ITPRIP: variants seen among roughly 807,000 people sequenced by gnomAD.
The protein encoded by ITPRIP is inositol 1,4,5-trisphosphate receptor interacting protein.
ITPRIP carries 32 observed loss-of-function variants against 35.8 expected under a neutral mutation model. That is an observed-to-expected ratio of 0.89 (90% CI 0.68 to 1.20). The LOEUF is 1.20. Among genes scored for constraint, ITPRIP ranks in the 50% most tolerant of loss-of-function variants. ITPRIP has a pLI of 0.00. For synonymous variants in ITPRIP, 358 were observed against 324.0 expected (o/e 1.11, Z -1.13); for missense variants, 653 against 735.6 (o/e 0.89, Z 1.30).
In ITPRIP at chr10:104,312,837, C is replaced by T. The variant is rs959726295; in HGVS notation, c.*1571G>A. 15 of 985,322 alleles carry T rather than the reference C, an allele frequency of 1.5e-5. No homozygotes were observed. Among genetic ancestry groups the T allele is most frequent in the South Asian group, 4.7e-5 (1 of 21,278 alleles). 61.0% of individuals were successfully genotyped at this position (985,322 alleles called of 1,614,324 possible). ...ACCCCTGTCAAGTTGGTTATGCTCTCGGGAAGGCATGGCCGGCTTAAACCC... is the reference window on the plus strand; with the variant it reads ...ACCCCTGTCAAGTTGGTTATGCTCTTGGGAAGGCATGGCCGGCTTAAACCC... On this transcript the variant is annotated 3_prime_UTR_variant, in exon 2 of 2. Transcript: ENST00000337478.
chr10:104,319,541 C>T (rs1317628607), intron 1 of ITPRIP, among the ~76,000 whole-genome samples: 2 of 152,126 alleles, frequency 1.3e-5, no homozygotes, highest in Middle Eastern at 3.2e-3. Context: ...CACTTTCTCA[C>T]GTAATCCATC....
In ITPRIP at chr10:104,312,877, A is replaced by G; in HGVS notation, c.*1531T>C. 3 of 985,406 alleles carry G rather than the reference A, an allele frequency of 3.0e-6. No homozygotes were observed. Among genetic ancestry groups the G allele is most frequent in the Non-Finnish European group, 3.6e-6 (3 of 829,938 alleles). The allele number at this position is 985,406 out of a possible 1,614,324, so 61.0% of individuals were successfully genotyped here. The stretch of plus-strand genomic sequence containing the variant: ...GGCTTAAACCCTGGAGGAACACGGT[A>G]TATTCTTGACTCCCTGGCCCCCTGC... On this transcript the variant is annotated 3_prime_UTR_variant, in exon 2 of 2. Transcript: ENST00000337478.
At chr10:104,319,552 T>A (rs1488586023) in intron 1 of ITPRIP, among the ~76,000 whole-genome samples, 5 of 151,960 alleles carry the variant, frequency 3.3e-5, no homozygotes, top group African/African-American at 1.2e-4. Context: ...GTAATCCATC[T>A]CCCCGCTTCC....
intron 1 of ITPRIP, chr10:104,334,013 A>G (rs1469457519): frequency 6.6e-6 from 1 of 152,200 alleles, no homozygotes; most frequent in African/African-American, 2.4e-5. Context: ...TTTACTGATG[A>G]TGTTACCGAG....
chr10:104,328,924 C>T lies in ITPRIP; in HGVS notation c.-14+9322G>A, dbSNP rs1473070422. ...ACAGTGAAAGAAATCCCAGACTGTT[C>T]TTCTACCCGAGTCCCCCTGCGGCTT... On this transcript the variant is annotated intron_variant, in intron 1 of 1. Coordinates refer to ENST00000337478, the MANE Select transcript of ITPRIP (RefSeq NM_001272013.2). This position sits in a 1 kb window ranked among gnomAD's most constrained non-coding sequence, Gnocchi z 4.1. 3 of 152,146 alleles carry T rather than the reference C, an allele frequency of 2.0e-5. No individual in the cohort carries two copies. The highest frequency in any genetic ancestry group is 4.4e-5 in the Non-Finnish European group (3 of 68,090). The allele number at this position is 152,146 out of a possible 1,614,324, so 9.4% of individuals were successfully genotyped here.
intron 1 of ITPRIP, among the ~76,000 whole-genome samples, chr10:104,337,871 C>A (rs893137155): frequency 6.6e-6 from 1 of 152,200 alleles, no homozygotes; most frequent in Non-Finnish European, 1.5e-5. Flanking sequence ...TAGCGCTCTG[C>A]TCAGATGTGA....
rs2013499972 is a variant in ITPRIP, at chr10:104,312,025, AG to A, written c.*2382del. 6.6e-6 allele frequency: 1 copy of A among 152,234 alleles called. No individual in the cohort carries two copies. The highest frequency in any genetic ancestry group is 1.5e-5 in the Non-Finnish European group (1 of 68,044). The allele number at this position is 152,234 out of a possible 1,614,324, so 9.4% of individuals were successfully genotyped here. ...GTCTCCTGAAAGTGTAAGAATAAAA[AG>A]GGAGTGAAAGCTTCTGCTTTGTCAA... On this transcript the variant is annotated 3_prime_UTR_variant, in exon 2 of 2. Coordinates refer to ENST00000337478, the MANE Select transcript of ITPRIP (RefSeq NM_001272013.2).
intron 1 of ITPRIP, among the ~76,000 whole-genome samples, chr10:104,317,544 A>T (rs1015980515): frequency 6.6e-6 from 1 of 152,192 alleles, no homozygotes; most frequent in African/African-American, 2.4e-5. Flanking sequence ...GGGACTTAAC[A>T]ATCTGCTATT....
In ITPRIP at chr10:104,311,263, C is replaced by T. The variant is rs1321780887; in HGVS notation, c.*3145G>A. The T allele has an allele frequency of 6.6e-6, 1 of 152,196 alleles. No individual in the cohort carries two copies. The highest frequency in any genetic ancestry group is 6.5e-5 in the Admixed American group (1 of 15,284). The allele number at this position is 152,196 out of a possible 1,614,324, so 9.4% of individuals were successfully genotyped here. ...ATTCCAAGCAGGCTCATTGGCTTTT[C>T]CCAGGTCTATCTATCTTCCAATAGA... On this transcript the variant is annotated 3_prime_UTR_variant, in exon 2 of 2. Coordinates refer to ENST00000337478, the MANE Select transcript of ITPRIP (RefSeq NM_001272013.2).
At chr10:104,327,898 G>GT (rs1285174494) in intron 1 of ITPRIP, among the ~76,000 whole-genome samples, 1 of 152,216 alleles carries the variant, frequency 6.6e-6, no homozygotes, top group African/African-American at 2.4e-5. Context: ...TCGCCCTGGT[G>GT]TGCCCGACAG....
In ITPRIP at chr10:104,326,617, A is replaced by G. The variant is rs1047640220; in HGVS notation, c.-13-10553T>C. ...ACGCGTTCCCTCCAGGGCATCTCAG[A>G]TCCATTCAACTGTGTGGGTTGAATG... On this transcript the variant is annotated intron_variant, in intron 1 of 1. Transcript: ENST00000337478. This position sits in a 1 kb window ranked among gnomAD's most constrained non-coding sequence, Gnocchi z 4.8. 1.8e-4 allele frequency: 27 copies of G among 152,202 alleles called. No individual in the cohort carries two copies. The highest frequency in any genetic ancestry group is 6.5e-4 in the African/African-American group (27 of 41,402). The allele number at this position is 152,202 out of a possible 1,614,324, so 9.4% of individuals were successfully genotyped here.
rs1564859784 is a variant in ITPRIP at position 104,313,591 on chromosome 10, G to A, written c.*817C>T. On this transcript the variant is annotated 3_prime_UTR_variant, in exon 2 of 2. Transcript: ENST00000337478. ...TAGTCAGAAAGACCAGCTTTGGAGA[G>A]AATAAAGAGAGGTGGGGGGCTGCTG... is the stretch of plus-strand genomic sequence containing the variant. 1 of 985,502 alleles carries A rather than the reference G, an allele frequency of 1.0e-6. No individual in the cohort carries two copies. The highest frequency in any genetic ancestry group is 1.2e-6 in the Non-Finnish European group (1 of 830,006). The allele number at this position is 985,502 out of a possible 1,614,324, so 61.0% of individuals were successfully genotyped here.
At chr10:104,337,943 T>C (rs2135218480) in intron 1 of ITPRIP, among the ~76,000 whole-genome samples, 1 of 152,254 alleles carries the variant, frequency 6.6e-6, no homozygotes, top group Non-Finnish European at 1.5e-5. Flanking sequence ...GCTCCGAGGC[T>C]GCGCGCGCCT....
At position 104,312,242 on chromosome 10, in the gene ITPRIP, C is replaced by A. The variant is rs1291852977; in HGVS notation, c.*2166G>T. 1.3e-5 allele frequency: 2 copies of A among 152,542 alleles called. No homozygotes were observed. Among genetic ancestry groups the A allele is most frequent in the Non-Finnish European group, 2.9e-5 (2 of 68,036 alleles). 9.4% of individuals were successfully genotyped at this position (152,542 alleles called of 1,614,324 possible). A position where few individuals can be genotyped will look rare whatever the true frequency, so the allele number is the denominator to read the frequency against. ...AAGCAGCTTTGGTGCAGAAAAGATT[C>A]CCGTTTCCCCACCGAGTTCTGTTGT... On this transcript the variant is annotated 3_prime_UTR_variant, in exon 2 of 2. Transcript: ENST00000337478.
chr10:104,322,213 C>T (rs1056518956), intron 1 of ITPRIP, among the ~76,000 whole-genome samples: 1 of 152,164 alleles, frequency 6.6e-6, no homozygotes, highest in Non-Finnish European at 1.5e-5. Flanking sequence ...TCACCTCCTC[C>T]TCTCCTTCCA....
Position 104,328,247 on chromosome 10 carries a change from G to A in ITPRIP, c.-14+9999C>T, listed in dbSNP as rs762424712. The A allele has an allele frequency of 6.7e-5, 66 of 985,284 alleles. No homozygotes were observed. Among genetic ancestry groups the A allele is most frequent in the African/African-American group, 8.7e-5 (5 of 57,220 alleles). The allele number at this position is 985,284 out of a possible 1,614,324, so 61.0% of individuals were successfully genotyped here. A position where few individuals can be genotyped will look rare whatever the true frequency, so the allele number is the denominator to read the frequency against. Reference sequence around the variant, plus strand: ...CAATGCGCCCTCACCACTTCCCGTTGTCCTACATTGGCTTGGTCTGGGCTC... The same window carrying A: ...CAATGCGCCCTCACCACTTCCCGTTATCCTACATTGGCTTGGTCTGGGCTC... On this transcript the variant is annotated intron_variant, in intron 1 of 1. Coordinates refer to ENST00000337478, the MANE Select transcript of ITPRIP (RefSeq NM_001272013.2). This position sits in a 1 kb window ranked among gnomAD's most constrained non-coding sequence, Gnocchi z 4.1.
At position 104,315,458 on chromosome 10, in the gene ITPRIP, C is replaced by T. The variant is rs376948772; in HGVS notation, c.594G>A (p.Glu198=). 1.4e-4 allele frequency: 228 copies of T among 1,611,576 alleles called. No homozygotes were observed. Among genetic ancestry groups the T allele is most frequent in the Middle Eastern group, 3.3e-4 (2 of 6,076 alleles). ...EDFIGVDSMY[E]NWQVDRPLLC... The stretch of plus-strand genomic sequence containing the variant: ...GCAGTGGCCTGTCCACCTGCCAGTT[C>T]TCGTACATGCTGTCCACGCCAATGA... The change falls in exon 2 of 2, where the codon GAG becomes GAA. Residue 198 remains glutamate (E), a synonymous_variant. Coordinates refer to ENST00000337478, the MANE Select transcript of ITPRIP (RefSeq NM_001272013.2). This position sits in a 1 kb window ranked among gnomAD's most constrained non-coding sequence, Gnocchi z 5.7.
rs1371683065 is a variant in ITPRIP, at chr10:104,314,997, A to G, written c.1055T>C (p.Ile352Thr). The change falls in exon 2 of 2, where the codon ATC (isoleucine) becomes ACC (threonine). Residue 352 changes from isoleucine to threonine, a missense_variant. Coordinates refer to ENST00000337478, the MANE Select transcript of ITPRIP (RefSeq NM_001272013.2). ...KFMPFNLIPV[I>T]QCDDSDLYFV... is the part of the protein sequence containing the mutation. ...GTACAGGTCCGAGTCATCACACTGG[A>G]TCACAGGAATCAGGTTGAAGGGCAT... The G allele has an allele frequency of 6.2e-7, 1 of 1,614,068 alleles. No homozygotes were observed. The highest frequency in any genetic ancestry group is 1.7e-5 in the Admixed American group (1 of 60,026).
At chr10:104,316,284 C>CA (rs1163843093) in intron 1 of ITPRIP, among the ~76,000 whole-genome samples, 1 of 152,182 alleles carries the variant, frequency 6.6e-6, no homozygotes, top group Admixed American at 6.5e-5. Flanking sequence ...CCTACCCAGA[C>CA]ATTCCTGGAT....
Sources: allele counts gnomAD v4.1 joint callset (sites outside exome capture counted in the v4.1 genomes callset), GRCh38; gene constraint gnomAD v4.1.1; non-coding constraint Gnocchi (gnomAD v3.1); transcripts MANE v1.5; gene names NCBI Gene and HGNC (gene_info 2026-07-23, HGNC 2026-07-21).